Variants in ALCAM observed in about 807,000 individuals in gnomAD.
ALCAM encodes the protein activated leukocyte cell adhesion molecule, also known as CD166 antigen.
Under a neutral mutation model 70.9 loss-of-function variants are expected in ALCAM, and 30 were observed. That is an observed-to-expected ratio of 0.42 (90% CI 0.32 to 0.57). The LOEUF (loss-of-function observed/expected upper bound fraction) is 0.57, where lower values mean the gene tolerates loss of function less well. ALCAM is among the 20% of genes least tolerant of loss of function. The pLI is 0.11. For missense variants in ALCAM, 591 were observed against 695.1 expected (o/e 0.85, Z 1.68); for synonymous variants, 249 against 242.5 (o/e 1.03, Z -0.25).
intron 1 of ALCAM, among the ~76,000 whole-genome samples, chr3:105,425,194 T>G (rs1936760635): frequency 6.6e-6 from 1 of 151,824 alleles, no homozygotes; most frequent in African/African-American, 2.4e-5. Context: ...TTGAATTCTT[T>G]TATAGTTCTT....
At chr3:105,441,426 T>C (rs1937167629) in intron 1 of ALCAM, among the ~76,000 whole-genome samples, 2 of 152,194 alleles carry the variant, frequency 1.3e-5, no homozygotes, top group African/African-American at 4.8e-5. Flanking sequence ...ATGAGAACAT[T>C]GCCACCTTAT....
At chr3:105,518,269 T>C (rs929854233) in intron 1 of ALCAM, among the ~76,000 whole-genome samples, 31 of 152,240 alleles carry the variant, frequency 2.0e-4, no homozygotes, top group African/African-American at 7.2e-4. Flanking sequence ...GTGCATGCCC[T>C]GACATAAATT....
At chr3:105,379,382 T>A (rs1935455867) in intron 1 of ALCAM, among the ~76,000 whole-genome samples, 1 of 151,818 alleles carries the variant, frequency 6.6e-6, no homozygotes, top group Non-Finnish European at 1.5e-5. Context: ...TGTTTCATAA[T>A]CTCAATGAAT....
At chr3:105,478,970 T>A (rs1938195616) in intron 1 of ALCAM, among the ~76,000 whole-genome samples, 3 of 152,106 alleles carry the variant, frequency 2.0e-5, no homozygotes, top group African/African-American at 7.2e-5. Flanking sequence ...CCTATTTTAT[T>A]GGTGTATCAT....
intron 1 of ALCAM, among the ~76,000 whole-genome samples, chr3:105,483,648 G>C (rs886160948): frequency 8.5e-5 from 13 of 152,116 alleles, no homozygotes; most frequent in African/African-American, 3.1e-4. Flanking sequence ...GCCAAAGCTG[G>C]ATATGCAGTC....
chr3:105,570,911 T>C (rs1940847363), intron 14 of ALCAM, among the ~76,000 whole-genome samples: 1 of 152,134 alleles, frequency 6.6e-6, no homozygotes, highest in African/African-American at 2.4e-5. Context: ...GGTCTGCAAT[T>C]GTCTCTTATT....
chr3:105,431,288 A>G (rs971166852), intron 1 of ALCAM, among the ~76,000 whole-genome samples: 1 of 152,150 alleles, frequency 6.6e-6, no homozygotes, highest in Non-Finnish European at 1.5e-5. Flanking sequence ...GATCTGGGTT[A>G]AGTTTGGCTG....
chr3:105,370,470 G>T (rs149073479), intron 1 of ALCAM, among the ~76,000 whole-genome samples: 70 of 152,188 alleles, frequency 4.6e-4, no homozygotes, highest in African/African-American at 1.7e-3. Flanking sequence ...AAAATAAAAA[G>T]ACAGACTAGA....
At chr3:105,425,915 C>T (rs78484526) in intron 1 of ALCAM, among the ~76,000 whole-genome samples, 14 of 151,818 alleles carry the variant, frequency 9.2e-5, no homozygotes, top group South Asian at 2.1e-4. Flanking sequence ...TCTTAAAGAG[C>T]GAACAGGCGC....
At chr3:105,571,757 C>A in intron 14 of ALCAM, 95 bp from the exon 15 acceptor site, 1 of 958,676 alleles carries the variant, frequency 1.0e-6, no homozygotes, top group Non-Finnish European at 1.5e-6. Flanking sequence ...AAAACATTTG[C>A]TTTTCAAAGA....
rs145639886 is a variant in ALCAM, at chr3:105,570,806, T to G, written c.1665-1046T>G. On this transcript the variant is annotated intron_variant, in intron 14 of 15. Transcript: ENST00000306107. ...AATGAATAAATCTGAGATGATTCCA[T>G]TTATGTACAAATTACAATAGCAGGT... is the stretch of plus-strand genomic sequence containing the variant. Among the ~76,000 whole-genome samples the G allele has an allele frequency of 4.3e-3, 658 of 152,272 alleles. 7 individuals carry two copies. The highest frequency in any genetic ancestry group is 0.024 in the Middle Eastern group (7 of 294).
At chr3:105,547,334 A>C in intron 10 of ALCAM, 50 bp downstream of exon 10, 1 of 1,575,626 alleles carries the variant, frequency 6.3e-7, no homozygotes, top group Non-Finnish European at 8.6e-7. Flanking sequence ...AGAATTTTTT[A>C]CCTGGTTTCT....
intron 2 of ALCAM, 87 bp from the exon 3 acceptor site, chr3:105,524,202 A>C: frequency 5.4e-6 from 6 of 1,107,350 alleles, no homozygotes; most frequent in Non-Finnish European, 7.7e-6. Context: ...TATTGGTAGA[A>C]TATGGCCAAG....
At chr3:105,564,055 G>C (rs1940691007) in intron 14 of ALCAM, among the ~76,000 whole-genome samples, 1 of 151,758 alleles carries the variant, frequency 6.6e-6, no homozygotes, top group Non-Finnish European at 1.5e-5. Flanking sequence ...GAAGTACATT[G>C]AGATTTATTT....
intron 1 of ALCAM, among the ~76,000 whole-genome samples, chr3:105,442,724 T>C (rs992230530): frequency 3.3e-5 from 5 of 151,410 alleles, no homozygotes; most frequent in Non-Finnish European, 7.4e-5. Flanking sequence ...GAGCTTGCAG[T>C]GAGCCGAGAT....
chr3:105,514,609 A>G (rs991058741), intron 1 of ALCAM, among the ~76,000 whole-genome samples: 1 of 152,030 alleles, frequency 6.6e-6, no homozygotes, highest in African/African-American at 2.4e-5. Flanking sequence ...AGAGCATTAA[A>G]TTATATCAAA....
At chr3:105,543,369 G>A (rs760045302) in intron 8 of ALCAM, among the ~76,000 whole-genome samples, 1 of 151,616 alleles carries the variant, frequency 6.6e-6, no homozygotes, top group Non-Finnish European at 1.5e-5. Flanking sequence ...CTCTAACACT[G>A]GGTTTTAACT....
intron 14 of ALCAM, 116 bp from the exon 15 acceptor site, chr3:105,571,736 C>A (rs1362590361): frequency 7.9e-6 from 6 of 758,978 alleles, no homozygotes; most frequent in African/African-American, 7.1e-5. Flanking sequence ...TTTTGCCTAG[C>A]GGTTTGCTGT....
chr3:105,434,752 G>A (rs1471825366), intron 1 of ALCAM, among the ~76,000 whole-genome samples: 1 of 152,052 alleles, frequency 6.6e-6, no homozygotes, highest in Non-Finnish European at 1.5e-5. Context: ...TAACTCATGG[G>A]TAAGTTTATA....
Sources: gnomAD v4.1 joint callset for allele counts (sites outside exome capture counted in the v4.1 genomes callset) on GRCh38, gnomAD v4.1.1 for gene constraint, MANE v1.5 for transcripts, NCBI Gene and HGNC (gene_info 2026-07-23, HGNC 2026-07-21) for gene names.